Variants in CACNB2 observed in about 807,000 individuals in gnomAD.
CACNB2 encodes voltage-dependent L-type calcium channel subunit beta-2.
Under a neutral mutation model 73.3 loss-of-function variants are expected in CACNB2, and 42 were observed. The observed-to-expected ratio is 0.57, with a 90% CI of 0.45 to 0.74. CACNB2 has a LOEUF of 0.74. Ranked by LOEUF, CACNB2 falls within the 30% of genes least tolerant of loss-of-function variation. CACNB2 has a pLI of 0.00. For missense variants in CACNB2, 940 were observed against 853.0 expected, an observed-to-expected ratio of 1.10 and a Z score of -1.27; for synonymous variants, 348 against 310.3, an observed-to-expected ratio of 1.12 and a Z score of -1.28.
At chr10:18,155,919 A>ATATG (rs2032015876) in intron 2 of CACNB2, among the ~76,000 whole-genome samples, 1 of 138,382 alleles carries the variant, frequency 7.2e-6, no homozygotes, top group African/African-American at 2.6e-5. Flanking sequence ...ATATATATAT[A>ATATG]TGTCAATATG....
intron 3 of CACNB2, among the ~76,000 whole-genome samples, chr10:18,449,889 A>G (rs1219852505): frequency 6.6e-6 from 1 of 152,226 alleles, no homozygotes; most frequent in Non-Finnish European, 1.5e-5. Context: ...GTCACACACC[A>G]GGACCAGTGT....
At chr10:18,161,629 C>CTCT (rs397825429) in intron 2 of CACNB2, among the ~76,000 whole-genome samples, 13,018 of 145,776 alleles carry the variant, frequency 0.089, 797 homozygotes, top group African/African-American at 0.17. Flanking sequence ...TGGCAAATCT[C>CTCT]TTTTTTTTTT....
rs1554842703 is a variant in CACNB2, at chr10:18,539,290, G to T, written c.1549G>T (p.Glu517Ter). Residue 517 changes from glutamate to a stop codon, truncating the protein, a stop_gained, in exon 14 of 14, where the codon GAA (glutamate) becomes TAA (stop). Transcript: ENST00000324631. LOFTEE classifies it high-confidence loss of function. ...SAPIRSASQAEEEPSVEPVKK... is the reference protein window; with the variant it reads ...SAPIRSASQA ...TCCTATCCGTTCTGCTTCCCAAGCT[G>T]AAGAAGAACCTAGTGTGGAACCAGT... is the stretch of plus-strand genomic sequence containing the variant. The T allele has an allele frequency of 6.2e-7, 1 of 1,613,786 alleles. No homozygotes were observed. Among genetic ancestry groups the T allele is most frequent in the Non-Finnish European group, 8.5e-7 (1 of 1,179,938 alleles).
In CACNB2 at chr10:18,167,732, G is replaced by T. The variant is rs943770094; in HGVS notation, c.213+16757G>T. 5.3e-5 allele frequency among the ~76,000 whole-genome samples: 8 copies of T among 152,248 alleles called. No homozygotes were observed. The South Asian group carries it at 6.2e-4, about 12-fold the overall frequency. On this transcript the variant is annotated intron_variant, in intron 2 of 13. Coordinates refer to ENST00000324631, the MANE Select transcript of CACNB2 (RefSeq NM_201596.3). The stretch of plus-strand genomic sequence containing the variant: ...AGAATGGCGCAGGGGGTAGCCGTTG[G>T]GGGGAGAAGTAGTTCAGCTTGCTCA...
At chr10:18,518,488 G>A in intron 8 of CACNB2, 72 bp downstream of exon 8, 3 of 1,038,978 alleles carry the variant, frequency 2.9e-6, no homozygotes, top group Admixed American at 1.7e-5. Flanking sequence ...TCCTACTCCC[G>A]ACCCTCTCTC....
chr10:18,153,884 A>C (rs951522395), intron 2 of CACNB2, among the ~76,000 whole-genome samples: 2 of 147,696 alleles, frequency 1.4e-5, no homozygotes, highest in Non-Finnish European at 3.0e-5. Flanking sequence ...GCCCGGCAGC[A>C]TACTAGATTA....
intron 2 of CACNB2, among the ~76,000 whole-genome samples, chr10:18,278,756 T>C (rs2038408084): frequency 6.6e-6 from 1 of 151,896 alleles, no homozygotes; most frequent in Admixed American, 6.6e-5. Flanking sequence ...GTGACCACAC[T>C]TGTAATCCCA....
intron 2 of CACNB2, chr10:18,261,281 C>A (rs372062152): frequency 6.4e-7 from 1 of 1,551,380 alleles, no homozygotes; most frequent in Middle Eastern, 1.7e-4. Context: ...TGCAGTGCTG[C>A]GGGCTGGTGC....
chr10:18,462,759 T>C (rs144920581), intron 3 of CACNB2, among the ~76,000 whole-genome samples: 1 of 151,800 alleles, frequency 6.6e-6, no homozygotes, highest in Admixed American at 6.6e-5. Context: ...TATTTTTTAT[T>C]TTTATTTATT....
At chr10:18,256,724 C>G (rs899323065) in intron 2 of CACNB2, 9 of 152,274 alleles carry the variant, frequency 5.9e-5, no homozygotes, top group African/African-American at 1.9e-4. Context: ...GTAGATTGCA[C>G]GAGCTCAGGA....
At chr10:18,341,814 T>C (rs2132075310) in intron 2 of CACNB2, among the ~76,000 whole-genome samples, 1 of 152,334 alleles carries the variant, frequency 6.6e-6, no homozygotes, top group African/African-American at 2.4e-5. Context: ...ATCTTTGTGG[T>C]CATTTCTTCT....
At chr10:18,455,151 A>C (rs887491739) in intron 3 of CACNB2, among the ~76,000 whole-genome samples, 1 of 152,216 alleles carries the variant, frequency 6.6e-6, no homozygotes, top group Non-Finnish European at 1.5e-5. Flanking sequence ...TGGAAAAAGC[A>C]TTAAAAGGTG....
At chr10:18,386,489 G>A (rs985231387) in intron 2 of CACNB2, among the ~76,000 whole-genome samples, 10 of 136,968 alleles carry the variant, frequency 7.3e-5, no homozygotes, top group South Asian at 2.4e-4. Flanking sequence ...TGCAAGCTCC[G>A]CCTCCTGGGT....
intron 3 of CACNB2, among the ~76,000 whole-genome samples, chr10:18,416,783 T>C (rs1362229072): frequency 6.6e-6 from 1 of 152,194 alleles, no homozygotes; most frequent in Non-Finnish European, 1.5e-5. Flanking sequence ...AACTTCCCGT[T>C]GTATTGTTTT....
chr10:18,255,297 G>T (rs1041995103), intron 2 of CACNB2, among the ~76,000 whole-genome samples: 2 of 151,952 alleles, frequency 1.3e-5, no homozygotes, highest in Non-Finnish European at 2.9e-5. Flanking sequence ...CTTCTACCAC[G>T]TAGAGCTTCC....
At chr10:18,288,271 C>A (rs1331175719) in intron 2 of CACNB2, among the ~76,000 whole-genome samples, 2 of 152,194 alleles carry the variant, frequency 1.3e-5, no homozygotes, top group Non-Finnish European at 2.9e-5. Flanking sequence ...CAAAGGAACA[C>A]AAATTCAGGT....
At chr10:18,298,118 T>C (rs763158126) in intron 2 of CACNB2, among the ~76,000 whole-genome samples, 7 of 152,160 alleles carry the variant, frequency 4.6e-5, no homozygotes, top group Non-Finnish European at 5.9e-5. Context: ...CCTGTAATCC[T>C]AGCACTTTGG....
chr10:18,253,251 G>GCAAA (rs1203981450), intron 2 of CACNB2, among the ~76,000 whole-genome samples: 1 of 152,116 alleles, frequency 6.6e-6, no homozygotes, highest in Non-Finnish European at 1.5e-5. Context: ...TTAAAAAGTT[G>GCAAA]CAAACAGTCC....
In CACNB2 at chr10:18,507,079, G is replaced by A. The variant is rs151231497; in HGVS notation, c.670+532G>A. On this transcript the variant is annotated intron_variant, in intron 6 of 13. Coordinates refer to ENST00000324631, the MANE Select transcript of CACNB2 (RefSeq NM_201596.3). The stretch of plus-strand genomic sequence containing the variant: ...CTCCCAAAGTGCTGGGTTTACAGAT[G>A]TAAGCCACTGCACCCAGCCATATTA... 2.0e-3 allele frequency among the ~76,000 whole-genome samples: 312 copies of A among 152,322 alleles called. 2 individuals are homozygous for A. The highest frequency in any genetic ancestry group is 7.3e-3 in the African/African-American group (302 of 41,584).
Sources: allele counts gnomAD v4.1 joint callset (sites outside exome capture counted in the v4.1 genomes callset), GRCh38; gene constraint gnomAD v4.1.1; transcripts MANE v1.5; gene names NCBI Gene and HGNC (gene_info 2026-07-23, HGNC 2026-07-21).